TFB1M: variants seen among roughly 807,000 people sequenced by gnomAD.
TFB1M encodes the protein dimethyladenosine transferase 1, mitochondrial.
In TFB1M, 27 loss-of-function variants were observed where a neutral mutation model predicts 31.1. The ratio of observed to expected loss-of-function variants is 0.87; its 90% CI spans 0.64 to 1.20. The LOEUF (loss-of-function observed/expected upper bound fraction) is 1.20. Ranked by LOEUF, TFB1M falls within the 50% of genes most tolerant of loss-of-function variation. The pLI, the probability that TFB1M is intolerant of heterozygous loss-of-function variation, is 0.00. For missense variants in TFB1M, 394 were observed against 418.7 expected (o/e 0.94, Z 0.51); for synonymous variants, 166 against 151.8 (o/e 1.09, Z -0.69).
At chr6:155,232,436 C>T in the TFB1M span, 3 of 152,210 alleles carry the variant, frequency 2.0e-5, no homozygotes, top group Admixed American at 2.0e-4. Context: ...TATGAGAACG[C>T]AAACCATATA....
At chr6:155,285,415 T>G in intron 4 of TFB1M, 138 bp from the exon 5 acceptor site, 1 of 896,694 alleles carries the variant, frequency 1.1e-6, no homozygotes, top group Non-Finnish European at 1.7e-6. Flanking sequence ...ATCTGACACA[T>G]GACACACAGC....
intron 5 of TFB1M, among the ~76,000 whole-genome samples, chr6:155,268,854 TG>T (rs1316816172): frequency 1.3e-5 from 2 of 150,232 alleles, no homozygotes; most frequent in South Asian, 2.1e-4. Flanking sequence ...CAGAGACCTT[TG>T]TTCACTTGTT....
chr6:155,262,655 C>A (rs1463148552), intron 5 of TFB1M, among the ~76,000 whole-genome samples: 1 of 152,160 alleles, frequency 6.6e-6, no homozygotes, highest in Non-Finnish European at 1.5e-5. Flanking sequence ...GAAATATTAT[C>A]AAAACTCTAC....
At chr6:155,253,196 T>G (rs551507110), downstream of TFB1M, 4 of 678,000 alleles carry the variant, frequency 5.9e-6, no homozygotes, top group Admixed American at 1.0e-4. Flanking sequence ...AGAGGTTGTT[T>G]TGATGTTCCT....
At chr6:155,314,051 C>T (rs748668172) in intron 1 of TFB1M, 213 of 1,387,518 alleles carry the variant, frequency 1.5e-4, no homozygotes, top group Non-Finnish European at 1.8e-4. Flanking sequence ...GGGAGCTTGG[C>T]ATTTATGCAG....
intron 5 of TFB1M, chr6:155,276,283 GAATCCAGA>G (rs1275071998): frequency 1.2e-6 from 2 of 1,613,988 alleles, no homozygotes; most frequent in Admixed American, 3.3e-5. Flanking sequence ...GTATAAAAAG[GAATCCAGA>G]AGCTAGACTC....
chr6:155,273,896 G>A (rs183467008), intron 5 of TFB1M, among the ~76,000 whole-genome samples: 64 of 152,210 alleles, frequency 4.2e-4, no homozygotes, highest in East Asian at 3.3e-3. Flanking sequence ...CCCAAGGAAG[G>A]AAGAGAAAAA....
chr6:155,265,672 A>AAT (rs1328236860), intron 5 of TFB1M, among the ~76,000 whole-genome samples: 14 of 147,756 alleles, frequency 9.5e-5, no homozygotes, highest in South Asian at 4.2e-4. Context: ...GAACTAATGG[A>AAT]ATATATATAT....
chr6:155,277,832 A>G (rs531729014), intron 5 of TFB1M, among the ~76,000 whole-genome samples: 2 of 152,342 alleles, frequency 1.3e-5, no homozygotes, highest in East Asian at 1.9e-4. Context: ...CATGCAAATT[A>G]ATGTGCTAGA....
At chr6:155,292,538 C>A (rs1376756310) in intron 4 of TFB1M, among the ~76,000 whole-genome samples, 1 of 151,972 alleles carries the variant, frequency 6.6e-6, no homozygotes, top group Non-Finnish European at 1.5e-5. Context: ...TGGGGCTCAA[C>A]GAGCCCCAAA....
chr6:155,280,184 TG>T (rs557566890), intron 5 of TFB1M, among the ~76,000 whole-genome samples: 217 of 152,176 alleles, frequency 1.4e-3, no homozygotes, highest in African/African-American at 5.0e-3. Flanking sequence ...GAGGTGGCCA[TG>T]TAAGTAATCT....
chr6:155,238,038 T>C, the TFB1M span, among the ~76,000 whole-genome samples: 3 of 152,264 alleles, frequency 2.0e-5, no homozygotes, highest in African/African-American at 7.2e-5. Context: ...CAAAGTTTTA[T>C]GCTCTGCCTC....
At chr6:155,284,092 G>A (rs117209206) in intron 5 of TFB1M, among the ~76,000 whole-genome samples, 5,523 of 152,288 alleles carry the variant, frequency 0.036, 135 homozygotes, top group Non-Finnish European at 0.056. Flanking sequence ...TGTCTGTTAC[G>A]TAAGGGGAAG....
chr6:155,276,286 T>C lies in TFB1M; in HGVS notation c.666+8872A>G, dbSNP rs533884629. The C allele has an allele frequency of 3.7e-6, 6 of 1,613,996 alleles. No individual in the cohort carries two copies. The South Asian group carries it at 6.6e-5, about 18-fold the overall frequency. On this transcript the variant is annotated intron_variant, in intron 5 of 6. Transcript: ENST00000367166. ...TCTGCACCTCCTGTATAAAAAGGAATCCAGAAGCTAGACTCGACCCACCCA... is the reference window on the plus strand; with the variant it reads ...TCTGCACCTCCTGTATAAAAAGGAACCCAGAAGCTAGACTCGACCCACCCA...
At chr6:155,273,637 C>G (rs1476769737) in intron 5 of TFB1M, among the ~76,000 whole-genome samples, 1 of 151,988 alleles carries the variant, frequency 6.6e-6, no homozygotes, top group African/African-American at 2.4e-5. Context: ...TTCCCTGGTT[C>G]CCAAGGGAAA....
intron 5 of TFB1M, among the ~76,000 whole-genome samples, chr6:155,263,450 A>T (rs576978994): frequency 4.6e-5 from 7 of 152,288 alleles, no homozygotes; most frequent in Non-Finnish European, 2.9e-5. Context: ...ATGAATTTAA[A>T]TATTTGCCTT....
chr6:155,255,339 T>G (rs1357527922), downstream of TFB1M: 1 of 152,214 alleles, frequency 6.6e-6, no homozygotes, highest in Non-Finnish European at 1.5e-5. Context: ...TCAAATCACG[T>G]TGTTCTTTCT....
the TFB1M span, among the ~76,000 whole-genome samples, chr6:155,238,381 TC>T: frequency 6.6e-6 from 1 of 152,248 alleles, no homozygotes; most frequent in Non-Finnish European, 1.5e-5. Flanking sequence ...TTCTGAGCCC[TC>T]CAAACTGTTC....
chr6:155,236,586 C>G, the TFB1M span, among the ~76,000 whole-genome samples: 2 of 152,090 alleles, frequency 1.3e-5, no homozygotes, highest in Non-Finnish European at 2.9e-5. Flanking sequence ...TTGCTTGCAC[C>G]CGGGAGGCAG....
Sources: allele counts gnomAD v4.1 joint callset (sites outside exome capture counted in the v4.1 genomes callset), GRCh38; gene constraint gnomAD v4.1.1; transcripts MANE v1.5; gene names NCBI Gene and HGNC (gene_info 2026-07-23, HGNC 2026-07-21).